CSMD3: variants seen among roughly 807,000 people sequenced by gnomAD.
CSMD3 encodes CUB and Sushi multiple domains 3.
CSMD3 carries 177 observed loss-of-function variants against 435.2 expected under a neutral mutation model. The ratio of observed to expected loss-of-function variants is 0.41; its 90% CI spans 0.36 to 0.46. The LOEUF is 0.46. Ranked by LOEUF, CSMD3 falls within the 20% of genes least tolerant of loss-of-function variation. The pLI is 0.34. For synonymous variants in CSMD3, 1,656 were observed against 1,520.5 expected (o/e 1.09, Z -2.07); for missense variants, 4,265 against 4,504.6 (o/e 0.95, Z 1.52).
At chr8:113,284,635 A>C in intron 2 of CSMD3, among the ~76,000 whole-genome samples, 1 of 152,278 alleles carries the variant, frequency 6.6e-6, no homozygotes, top group Middle Eastern at 3.4e-3. Flanking sequence ...GTGAGCTATA[A>C]ATTTATGGTA....
At chr8:112,426,800 G>A (rs542897074) in intron 32 of CSMD3, among the ~76,000 whole-genome samples, 11 of 152,116 alleles carry the variant, frequency 7.2e-5, no homozygotes, top group African/African-American at 1.9e-4. Flanking sequence ...TACTTCCCTG[G>A]CACTAACAAC....
chr8:112,446,887 T>C (rs1815666883), intron 32 of CSMD3, among the ~76,000 whole-genome samples: 1 of 152,188 alleles, frequency 6.6e-6, no homozygotes, highest in Admixed American at 6.5e-5. Context: ...CTTGGGCTAG[T>C]TCTTATCATT....
intron 22 of CSMD3, among the ~76,000 whole-genome samples, chr8:112,589,167 A>C (rs1454338103): frequency 6.6e-6 from 1 of 152,152 alleles, no homozygotes; most frequent in Non-Finnish European, 1.5e-5. Flanking sequence ...GATGATCAGC[A>C]AGTCAAAATC....
At chr8:113,389,169 G>A (rs1258895405) in intron 1 of CSMD3, among the ~76,000 whole-genome samples, 1 of 151,576 alleles carries the variant, frequency 6.6e-6, no homozygotes, top group African/African-American at 2.4e-5. Flanking sequence ...TTAACAGCAT[G>A]GAATAGACCA....
At chr8:112,301,465 T>G (rs1820915826) in intron 53 of CSMD3, among the ~76,000 whole-genome samples, 1 of 152,184 alleles carries the variant, frequency 6.6e-6, no homozygotes, top group Admixed American at 6.6e-5. Context: ...GAGAATTGAC[T>G]ATGGTTTAGA....
At chr8:112,594,882 G>T (rs568163981) in intron 22 of CSMD3, among the ~76,000 whole-genome samples, 350 of 151,492 alleles carry the variant, frequency 2.3e-3, no homozygotes, top group African/African-American at 8.1e-3. Flanking sequence ...CATCATCAAA[G>T]ACCAAAAGTA....
chr8:113,104,647 C>T (rs947019642), intron 4 of CSMD3, among the ~76,000 whole-genome samples: 1 of 151,984 alleles, frequency 6.6e-6, no homozygotes, highest in South Asian at 2.1e-4. Flanking sequence ...AATACCTTCC[C>T]AGCTTATGAA....
intron 45 of CSMD3, among the ~76,000 whole-genome samples, chr8:112,322,740 C>T (rs1321884897): frequency 1.3e-5 from 2 of 151,982 alleles, no homozygotes; most frequent in East Asian, 1.9e-4. Flanking sequence ...AATCACAGAA[C>T]CCCTTTTGTG....
At chr8:112,857,105 T>G (rs748821938) in intron 11 of CSMD3, among the ~76,000 whole-genome samples, 69 of 151,902 alleles carry the variant, frequency 4.5e-4, no homozygotes, top group Non-Finnish European at 7.7e-4. Flanking sequence ...TGTGTGTGTG[T>G]CTGTGTGTTT....
intron 5 of CSMD3, among the ~76,000 whole-genome samples, chr8:113,037,263 A>G (rs1280422959): frequency 3.3e-5 from 5 of 152,100 alleles, no homozygotes; most frequent in African/African-American, 9.7e-5. Context: ...TACTAATCTT[A>G]TGTTCATATA....
At chr8:113,334,589 T>G (rs1225572299) in intron 1 of CSMD3, among the ~76,000 whole-genome samples, 1 of 152,058 alleles carries the variant, frequency 6.6e-6, no homozygotes, top group Admixed American at 6.6e-5. Flanking sequence ...ACCTGCTTCA[T>G]GAAATGAATT....
At chr8:112,839,760 AC>A (rs1369849412) in intron 11 of CSMD3, among the ~76,000 whole-genome samples, 17 of 151,710 alleles carry the variant, frequency 1.1e-4, no homozygotes, top group Admixed American at 4.6e-4. Flanking sequence ...ATATAAAAAA[AC>A]TTTGACTCCA....
At chr8:113,427,447 T>A (rs1003061787) in intron 1 of CSMD3, among the ~76,000 whole-genome samples, 2 of 150,240 alleles carry the variant, frequency 1.3e-5, no homozygotes, top group Admixed American at 6.6e-5. Flanking sequence ...CAGTGGTCTC[T>A]CCATTCAATG....
chr8:112,835,528 T>C (rs1443605698), intron 11 of CSMD3, among the ~76,000 whole-genome samples: 1 of 151,896 alleles, frequency 6.6e-6, no homozygotes, highest in Non-Finnish European at 1.5e-5. Flanking sequence ...TTAGGAATCT[T>C]GGTAGGAAGT....
intron 52 of CSMD3, among the ~76,000 whole-genome samples, chr8:112,302,836 G>A (rs908836381): frequency 2.0e-5 from 3 of 151,066 alleles, no homozygotes; most frequent in Middle Eastern, 3.4e-3. Flanking sequence ...ATTTGAGGTC[G>A]CTATTAATAT....
chr8:112,843,420 T>C (rs1277018531), intron 11 of CSMD3, among the ~76,000 whole-genome samples: 1 of 151,920 alleles, frequency 6.6e-6, no homozygotes, highest in Non-Finnish European at 1.5e-5. Context: ...ATAGGCAGAA[T>C]ACCTAATTAA....
At chr8:112,268,989 A>T (rs1817217786) in intron 59 of CSMD3, among the ~76,000 whole-genome samples, 1 of 152,150 alleles carries the variant, frequency 6.6e-6, no homozygotes, top group Admixed American at 6.6e-5. Context: ...GTTCTGCAAT[A>T]TATCTCTGGC....
At chr8:112,887,739 C>CAA (rs5894115) in intron 10 of CSMD3, among the ~76,000 whole-genome samples, 7,282 of 145,694 alleles carry the variant, frequency 0.05, 204 homozygotes, top group Non-Finnish European at 0.069. Context: ...AGTCTTTATG[C>CAA]AAAAAAAAAA....
intron 3 of CSMD3, among the ~76,000 whole-genome samples, chr8:113,272,127 G>A (rs2093532863): frequency 1.3e-5 from 2 of 152,022 alleles, no homozygotes. Context: ...TGATTTTATG[G>A]GCTCATAGGT....
Sources: allele counts gnomAD v4.1 joint callset (sites outside exome capture counted in the v4.1 genomes callset), GRCh38; gene constraint gnomAD v4.1.1; transcripts MANE v1.5; gene names NCBI Gene and HGNC (gene_info 2026-07-23, HGNC 2026-07-21).